Variants in RIMS2 observed in about 807,000 individuals in gnomAD.
RIMS2 encodes the protein regulating synaptic membrane exocytosis protein 2.
In RIMS2, 59 loss-of-function variants were observed where a neutral mutation model predicts 174.4. That is an observed-to-expected ratio of 0.34 (90% CI 0.27 to 0.42). RIMS2 has a LOEUF of 0.42. Among genes scored for constraint, RIMS2 ranks in the 10% least tolerant of loss-of-function variants. The probability of loss-of-function intolerance (pLI) is 1.00; values close to 1 mark genes in which losing one functional copy is unlikely to be tolerated. For synonymous variants in RIMS2, 606 were observed against 572.5 expected (o/e 1.06, Z -0.84); for missense variants, 1,620 against 1,666.3 (o/e 0.97, Z 0.48).
chr8:103,663,686 T>C (rs1038494774), intron 1 of RIMS2, among the ~76,000 whole-genome samples: 1 of 152,136 alleles, frequency 6.6e-6, no homozygotes, highest in African/African-American at 2.4e-5. Flanking sequence ...AGAGTCAATA[T>C]TGTGAAAATG....
At chr8:103,624,032 A>T (rs1295982811) in intron 1 of RIMS2, among the ~76,000 whole-genome samples, 2 of 152,078 alleles carry the variant, frequency 1.3e-5, no homozygotes. Context: ...ACTTCTAAGG[A>T]CCTCTCTAGT....
At chr8:103,935,091 G>C (rs768435556) in intron 12 of RIMS2, among the ~76,000 whole-genome samples, 3 of 152,132 alleles carry the variant, frequency 2.0e-5, no homozygotes, top group African/African-American at 2.4e-5. Flanking sequence ...CAGGGTCTCA[G>C]AATTCATTCT....
At chr8:103,940,100 T>C (rs2082187943) in intron 13 of RIMS2, among the ~76,000 whole-genome samples, 1 of 152,210 alleles carries the variant, frequency 6.6e-6, no homozygotes, top group African/African-American at 2.4e-5. Flanking sequence ...AGGTATTTTT[T>C]TTAGCAGTGT....
At chr8:103,989,270 T>C (rs1565707099) in intron 16 of RIMS2, 35 bp from the exon 19 acceptor site, 9 of 1,219,852 alleles carry the variant, frequency 7.4e-6, no homozygotes, top group Non-Finnish European at 1.1e-5. Context: ...TTTCAAATGG[T>C]TTACTAAGAT....
At chr8:103,956,424 C>G (rs566719645) in intron 14 of RIMS2, among the ~76,000 whole-genome samples, 2 of 152,212 alleles carry the variant, frequency 1.3e-5, no homozygotes, top group Admixed American at 6.5e-5. Context: ...TGGGACAGAA[C>G]AGAAGCCTCA....
intron 3 of RIMS2, among the ~76,000 whole-genome samples, chr8:103,787,960 T>C (rs1448245101): frequency 6.6e-6 from 1 of 152,034 alleles, no homozygotes; most frequent in Admixed American, 6.6e-5. Flanking sequence ...CTTGGAGGCT[T>C]TGCTCATTTC....
intron 3 of RIMS2, among the ~76,000 whole-genome samples, chr8:103,844,106 T>C (rs933355365): frequency 1.4e-4 from 21 of 152,340 alleles, no homozygotes; most frequent in Middle Eastern, 6.8e-3. Flanking sequence ...TCTGCCACGA[T>C]TGTGAGGCTT....
At chr8:103,756,528 G>A (rs756749909) in intron 2 of RIMS2, among the ~76,000 whole-genome samples, 1 of 151,264 alleles carries the variant, frequency 6.6e-6, no homozygotes, top group Admixed American at 6.6e-5. Context: ...TTGACCTGCT[G>A]GGCTCAACTG....
chr8:104,174,706 G>C (rs2098863979), intron 19 of RIMS2, among the ~76,000 whole-genome samples: 1 of 152,148 alleles, frequency 6.6e-6, no homozygotes, highest in South Asian at 2.1e-4. Context: ...CAGAAAGAAA[G>C]GTGTTGCGGG....
In RIMS2 at chr8:104,246,154, G is replaced by A. The variant is rs564686010; in HGVS notation, c.3476+1097G>A. Among the ~76,000 whole-genome samples, 3 of 152,252 alleles carry A rather than the reference G, an allele frequency of 2.0e-5. No homozygotes were observed. In the South Asian group the frequency reaches 6.2e-4, roughly 32 times the overall value. The stretch of plus-strand genomic sequence containing the variant: ...GTTTATAGTCTTATTGGAAAAAGAG[G>A]ATGAATACCCATAAATTCATTCAAC... On this transcript the variant is annotated intron_variant, in intron 20 of 23. Transcript: ENST00000504942.
At chr8:103,530,522 G>C (rs34651893) in intron 1 of RIMS2, among the ~76,000 whole-genome samples, 27,658 of 151,984 alleles carry the variant, frequency 0.18, 2,756 homozygotes, top group African/African-American at 0.26. Context: ...CTCTTTTATA[G>C]ATGGTTAAAG....
intron 1 of RIMS2, among the ~76,000 whole-genome samples, chr8:103,587,166 A>G (rs1001938400): frequency 2.0e-5 from 3 of 152,080 alleles, no homozygotes; most frequent in East Asian, 1.9e-4. Flanking sequence ...GAAGAAATCC[A>G]AAACCTGAAC....
intron 1 of RIMS2, among the ~76,000 whole-genome samples, chr8:103,545,448 A>T (rs547305636): frequency 6.6e-6 from 1 of 152,220 alleles, no homozygotes; most frequent in Non-Finnish European, 1.5e-5. Flanking sequence ...CTTGGAAAAC[A>T]TATTTGAGGC....
chr8:103,619,264 A>C (rs1029685003), intron 1 of RIMS2, among the ~76,000 whole-genome samples: 1 of 142,122 alleles, frequency 7.0e-6, no homozygotes, highest in Non-Finnish European at 1.6e-5. Flanking sequence ...TGTAAAAACT[A>C]TTTCAGAAAA....
At chr8:103,553,431 C>T (rs1434681320) in intron 1 of RIMS2, among the ~76,000 whole-genome samples, 1 of 151,836 alleles carries the variant, frequency 6.6e-6, no homozygotes, top group East Asian at 1.9e-4. Flanking sequence ...GAATATCAAA[C>T]ACTGGGACCT....
chr8:103,739,929 T>C (rs942013426), intron 2 of RIMS2, among the ~76,000 whole-genome samples: 3 of 152,186 alleles, frequency 2.0e-5, no homozygotes, highest in African/African-American at 7.2e-5. Flanking sequence ...ATTATATATC[T>C]TGGGGTCTGT....
At chr8:103,703,461 C>T (rs2097191092) in intron 2 of RIMS2, among the ~76,000 whole-genome samples, 1 of 152,076 alleles carries the variant, frequency 6.6e-6, no homozygotes, top group Non-Finnish European at 1.5e-5. Flanking sequence ...TGGTCTCGAA[C>T]TCCTGACCTC....
chr8:103,935,998 A>G (rs2081161199), intron 12 of RIMS2, among the ~76,000 whole-genome samples: 1 of 152,224 alleles, frequency 6.6e-6, no homozygotes, highest in African/African-American at 2.4e-5. Flanking sequence ...AAATAAATGT[A>G]CAGTGTTTTA....
chr8:103,864,147 T>C (rs2154503131), intron 3 of RIMS2, among the ~76,000 whole-genome samples: 1 of 152,208 alleles, frequency 6.6e-6, no homozygotes, highest in East Asian at 1.9e-4. Context: ...ATATTACTGA[T>C]TCCTTGTATG....
Sources: allele counts gnomAD v4.1 joint callset (sites outside exome capture counted in the v4.1 genomes callset), GRCh38; gene constraint gnomAD v4.1.1; transcripts MANE v1.5; gene names NCBI Gene and HGNC (gene_info 2026-07-23, HGNC 2026-07-21).